PRKN: variants seen among roughly 807,000 people sequenced by gnomAD.
PRKN encodes parkin RBR E3 ubiquitin protein ligase.
A neutral mutation model predicts 59.5 loss-of-function variants in PRKN; 56 were observed. The observed-to-expected ratio is 0.94, with a 90% confidence interval of 0.76 to 1.18. PRKN has a LOEUF of 1.18. Ranked by LOEUF, PRKN falls within the 50% of genes most tolerant of loss-of-function variation. The probability of loss-of-function intolerance (pLI) is 0.00; values close to 1 mark genes in which losing one functional copy is unlikely to be tolerated. For missense variants in PRKN, 657 were observed against 596.4 expected, an observed-to-expected ratio of 1.10 and a Z score of -1.06; for synonymous variants, 250 against 222.1, an observed-to-expected ratio of 1.13 and a Z score of -1.12.
intron 4 of PRKN, among the ~76,000 whole-genome samples, chr6:162,157,494 A>T (rs1284178111): frequency 1.3e-5 from 2 of 152,164 alleles, no homozygotes; most frequent in East Asian, 3.9e-4. Context: ...CAGCTGAAAG[A>T]TGGTCTCTAA....
intron 6 of PRKN, among the ~76,000 whole-genome samples, chr6:161,885,447 G>A (rs1018488058): frequency 6.6e-5 from 10 of 152,180 alleles, no homozygotes; most frequent in East Asian, 1.9e-4. Context: ...GGCAGATCAC[G>A]AGGTCAGGAG....
intron 4 of PRKN, among the ~76,000 whole-genome samples, chr6:162,156,564 A>G (rs1287704916): frequency 6.6e-6 from 1 of 152,264 alleles, no homozygotes; most frequent in East Asian, 1.9e-4. Context: ...AGAAAGATGG[A>G]GGCCGGAAGA....
intron 7 of PRKN, among the ~76,000 whole-genome samples, chr6:161,604,755 C>T (rs1237285201): frequency 1.3e-5 from 2 of 152,036 alleles, no homozygotes; most frequent in African/African-American, 2.4e-5. Flanking sequence ...GCTAACATGG[C>T]GAAACCCTGT....
intron 5 of PRKN, among the ~76,000 whole-genome samples, chr6:162,013,392 T>C (rs1782811009): frequency 6.6e-6 from 1 of 152,112 alleles, no homozygotes; most frequent in African/African-American, 2.4e-5. Flanking sequence ...TCCAGCCTCC[T>C]ATTATACTTT....
chr6:161,821,745 T>TGAGA (rs1792040467), intron 6 of PRKN, among the ~76,000 whole-genome samples: 1 of 30,040 alleles, frequency 3.3e-5, no homozygotes, highest in Non-Finnish European at 6.7e-5. Context: ...TTTTTTTTTT[T>TGAGA]TTTTTTTTTT....
intron 2 of PRKN, among the ~76,000 whole-genome samples, chr6:162,269,339 T>C (rs988539976): frequency 6.6e-6 from 1 of 152,188 alleles, no homozygotes; most frequent in African/African-American, 2.4e-5. Flanking sequence ...AATGACTCTA[T>C]GATCCTTTAA....
chr6:162,227,927 T>A (rs906388330), intron 3 of PRKN, among the ~76,000 whole-genome samples: 2 of 143,022 alleles, frequency 1.4e-5, no homozygotes, highest in African/African-American at 2.7e-5. Flanking sequence ...AAACCAGTAG[T>A]TCCATTAAAA....
At chr6:162,672,685 AGTGTGTGTGT>A (rs56722608) in intron 1 of PRKN, among the ~76,000 whole-genome samples, 76 of 149,114 alleles carry the variant, frequency 5.1e-4, no homozygotes, top group East Asian at 3.0e-3. Context: ...TTGGGGGAAA[AGTGTGTGTGT>A]GTGTGTGTGT....
At chr6:161,873,048 C>T (rs542817916) in intron 6 of PRKN, among the ~76,000 whole-genome samples, 1 of 149,288 alleles carries the variant, frequency 6.7e-6, no homozygotes, top group African/African-American at 2.5e-5. Flanking sequence ...AGGGAGGGAG[C>T]TGGGAGCTTG....
In PRKN at chr6:162,362,177, G is replaced by C. The variant is rs74873413; in HGVS notation, c.171+81133C>G. ...TAAATTATAAGGCCTCAAAGAACATGCTGTTACTTCTACTTGCCAATTTAT... is the reference window on the plus strand; with the variant it reads ...TAAATTATAAGGCCTCAAAGAACATCCTGTTACTTCTACTTGCCAATTTAT... On this transcript the variant is annotated intron_variant, in intron 2 of 11. Coordinates refer to ENST00000366898, the MANE Select transcript of PRKN (RefSeq NM_004562.3). 9.5e-3 allele frequency among the ~76,000 whole-genome samples: 1,447 copies of C among 152,260 alleles called. 25 individuals are homozygous for C. The highest frequency in any genetic ancestry group is 0.032 in the African/African-American group (1,340 of 41,556).
rs548839916 is a variant in PRKN, at chr6:162,556,715, C to A, written c.8-113242G>T. Among the ~76,000 whole-genome samples, 148 of 134,652 alleles carry A rather than the reference C, an allele frequency of 1.1e-3. 1 individual carries two copies. Among genetic ancestry groups the A allele is most frequent in the African/African-American group, 3.8e-3 (138 of 36,132 alleles). The allele number at this position is 134,652 out of a possible 152,430, so 88.3% of individuals were successfully genotyped here. On this transcript the variant is annotated intron_variant, in intron 1 of 11. Transcript: ENST00000366898. ...TGAGCCGAGATTGCACCACTGCACT[C>A]CAACCAGGTGACAGAGCGAGACTCC...
At chr6:162,578,674 T>C (rs1220963708) in intron 1 of PRKN, among the ~76,000 whole-genome samples, 1 of 152,226 alleles carries the variant, frequency 6.6e-6, no homozygotes, top group African/African-American at 2.4e-5. Context: ...ATGGTTTCAA[T>C]ACAATAAAGC....
At chr6:162,107,648 A>G (rs1321879446) in intron 4 of PRKN, among the ~76,000 whole-genome samples, 1 of 152,184 alleles carries the variant, frequency 6.6e-6, no homozygotes, top group Non-Finnish European at 1.5e-5. Flanking sequence ...GGCTGTTGTT[A>G]CTGTTATATC....
chr6:162,519,101 CG>C (rs1365029737), intron 1 of PRKN, among the ~76,000 whole-genome samples: 2 of 151,942 alleles, frequency 1.3e-5, no homozygotes, highest in Non-Finnish European at 2.9e-5. Context: ...ACCCGGGAGG[CG>C]GAAGTTGCAG....
At chr6:162,630,423 A>C (rs1783062317) in intron 1 of PRKN, among the ~76,000 whole-genome samples, 1 of 152,126 alleles carries the variant, frequency 6.6e-6, no homozygotes, top group Non-Finnish European at 1.5e-5. Flanking sequence ...CCCAAATCTG[A>C]GCATTCTGCC....
chr6:161,994,035 T>C (rs946382438), intron 5 of PRKN, among the ~76,000 whole-genome samples: 1 of 152,194 alleles, frequency 6.6e-6, no homozygotes, highest in Non-Finnish European at 1.5e-5. Flanking sequence ...ACATTGGTGA[T>C]GAAATTTCAA....
chr6:162,186,844 A>G (rs1241015666), intron 4 of PRKN, among the ~76,000 whole-genome samples: 1 of 152,204 alleles, frequency 6.6e-6, no homozygotes, highest in Admixed American at 6.5e-5. Flanking sequence ...AGGTCTCTGT[A>G]GAAGCATAAG....
chr6:161,646,785 A>G (rs1419895296), intron 7 of PRKN, among the ~76,000 whole-genome samples: 4 of 152,164 alleles, frequency 2.6e-5, no homozygotes, highest in Non-Finnish European at 1.5e-5. Flanking sequence ...CACAACCCAA[A>G]CAGGATTGGG....
intron 5 of PRKN, among the ~76,000 whole-genome samples, chr6:162,050,850 TGGA>T (rs1392101472): frequency 6.6e-5 from 10 of 152,012 alleles, no homozygotes; most frequent in Admixed American, 5.9e-4. Flanking sequence ...GCCACACAGC[TGGA>T]GTTGATGAGA....
Sources: gnomAD v4.1 joint callset for allele counts (sites outside exome capture counted in the v4.1 genomes callset) on GRCh38, gnomAD v4.1.1 for gene constraint, MANE v1.5 for transcripts, NCBI Gene and HGNC (gene_info 2026-07-23, HGNC 2026-07-21) for gene names.